RNF19B: variants seen among roughly 807,000 people sequenced by gnomAD.
RNF19B encodes E3 ubiquitin-protein ligase RNF19B.
RNF19B carries 23 observed loss-of-function variants against 65.5 expected under a neutral mutation model. The ratio of observed to expected loss-of-function variants is 0.35; its 90% CI spans 0.25 to 0.50. RNF19B has a LOEUF of 0.50. Among genes scored for constraint, RNF19B ranks in the 20% least tolerant of loss-of-function variants. The pLI, the probability that RNF19B is intolerant of heterozygous loss-of-function variation, is 0.98. For missense variants in RNF19B, 794 were observed against 980.0 expected, an observed-to-expected ratio of 0.81 and a Z score of 2.53; for synonymous variants, 372 against 379.6, an observed-to-expected ratio of 0.98 and a Z score of 0.23.
At chr1:32,940,104 G>A (rs917758988) in intron 7 of RNF19B, among the ~76,000 whole-genome samples, 15 of 152,218 alleles carry the variant, frequency 9.9e-5, no homozygotes, top group Admixed American at 3.3e-4. Context: ...CCAGGGAAAT[G>A]AGGGAATGCA....
At chr1:32,930,025 C>A in the RNF19B span, among the ~76,000 whole-genome samples, 1 of 152,202 alleles carries the variant, frequency 6.6e-6, no homozygotes, top group Non-Finnish European at 1.5e-5. Context: ...AAAGAAATAA[C>A]CTCTTGGCAA....
rs1403089432 is a variant in RNF19B at position 32,949,923 on chromosome 1, C to T, written c.636-149G>A. On this transcript the variant is annotated intron_variant, in intron 1 of 8. Transcript: ENST00000235150. ...ATACACATACACACATATACACACA[C>T]AAGCACATTTGACCAACTGTAAAAT... 4 of 629,468 alleles carry T rather than the reference C, an allele frequency of 6.4e-6. No individual in the cohort carries two copies. The Admixed American group carries it at 8.4e-5, about 13-fold the overall frequency. The allele number at this position is 629,468 out of a possible 1,614,324, so 39.0% of individuals were successfully genotyped here.
Position 32,936,939 on chromosome 1 carries a change from C to T in RNF19B, c.2063G>A (p.Arg688His), listed in dbSNP as rs199935869. The T allele has an allele frequency of 2.4e-5, 38 of 1,613,774 alleles. No homozygotes were observed. The highest frequency in any genetic ancestry group is 1.9e-4 in the African/African-American group (14 of 74,802). The change falls in exon 9 of 9, where the codon CGC becomes CAC. Residue 688 changes from arginine to histidine, a missense_variant. This residue lies in a region of RNF19B where 368 missense variants were observed against 447.3 expected (regional missense o/e 0.82). Coordinates refer to ENST00000235150, the MANE Select transcript of RNF19B (RefSeq NM_001300826.2). The part of the protein sequence containing the change: ...DITSDECGSP[R>H]SHTAACPSTP... The stretch of plus-strand genomic sequence containing the variant: ...CGAGGGGCAGGCTGCAGTATGGGAG[C>T]GGGGGGAGCCACACTCATCTGAGGT...
At chr1:32,941,141 T>C (rs1288799906) in intron 7 of RNF19B, among the ~76,000 whole-genome samples, 4 of 151,964 alleles carry the variant, frequency 2.6e-5, no homozygotes, top group African/African-American at 9.7e-5. Context: ...TAGGATTGCC[T>C]GAGTCCAGGA....
chr1:32,964,736 G>T lies in RNF19B; in HGVS notation c.-51C>A. 1 of 1,331,972 alleles carries T rather than the reference G, an allele frequency of 7.5e-7. No individual in the cohort carries two copies. The highest frequency in any genetic ancestry group is 1.7e-5 in the South Asian group (1 of 58,122). The allele number at this position is 1,331,972 out of a possible 1,614,324, so 82.5% of individuals were successfully genotyped here. The stretch of plus-strand genomic sequence containing the variant: ...GGCGCCCAGCGCCGCCACAGCTCCC[G>T]CCTCAGCGCCCCTCAGCCAGCGCCC... On this transcript the variant is annotated 5_prime_UTR_variant, in exon 1 of 9. Transcript: ENST00000235150. The surrounding 1 kb of genome is among the most constrained non-coding windows in gnomAD (Gnocchi z 6.5).
At chr1:32,949,232 T>A (rs899635836) in intron 2 of RNF19B, among the ~76,000 whole-genome samples, 1 of 152,216 alleles carries the variant, frequency 6.6e-6, no homozygotes, top group African/African-American at 2.4e-5. Flanking sequence ...GGTTTAATAC[T>A]AATTAAATGT....
intron 8 of RNF19B, among the ~76,000 whole-genome samples, chr1:32,938,140 C>CA (rs80176999): frequency 0.095 from 4,380 of 46,064 alleles, 192 homozygotes; most frequent in African/African-American, 0.19. Context: ...CCAAGAAAGA[C>CA]AAAAAAAAAA....
chr1:32,955,857 T>C (rs1642626593), intron 1 of RNF19B, among the ~76,000 whole-genome samples: 1 of 152,166 alleles, frequency 6.6e-6, no homozygotes, highest in Admixed American at 6.6e-5. Flanking sequence ...TCTCCTACTC[T>C]GCTCTTTTAG....
At chr1:32,938,910 T>TA (rs1438542311) in intron 7 of RNF19B, among the ~76,000 whole-genome samples, 11 of 152,322 alleles carry the variant, frequency 7.2e-5, no homozygotes, top group African/African-American at 2.4e-4. Flanking sequence ...CAACAGGCAT[T>TA]AAGGTCTTCC....
chr1:32,941,964 G>A (rs1557566625), intron 7 of RNF19B, among the ~76,000 whole-genome samples: 1 of 152,108 alleles, frequency 6.6e-6, no homozygotes, highest in Non-Finnish European at 1.5e-5. Context: ...GGGCGTGGTG[G>A]CGGGTGCCTG....
rs1263251114 is a variant in RNF19B at position 32,938,521 on chromosome 1, C to T, written c.1618G>A (p.Val540Ile). 1.2e-6 allele frequency: 2 copies of T among 1,614,012 alleles called. No homozygotes were observed. Among genetic ancestry groups the T allele is most frequent in the Non-Finnish European group, 1.7e-6 (2 of 1,180,006 alleles). Reference sequence around the variant, plus strand: ...ATTTCCTTTTGGACATCGGCTTGAACTTCTAACCTGTGTAAAGAGGGGACG... The same window carrying T: ...ATTTCCTTTTGGACATCGGCTTGAATTTCTAACCTGTGTAAAGAGGGGACG... ...SGKGKYSRLEVQADVQKEIFP... is the reference protein window; with the variant it reads ...SGKGKYSRLEIQADVQKEIFP... The change falls in exon 8 of 9, where the codon GTT becomes ATT. Residue 540 changes from valine (V) to isoleucine (I), a missense_variant. Val to Ile is a conservative substitution (Grantham distance 29, BLOSUM62 3). Transcript: ENST00000235150.
Position 32,944,130 on chromosome 1 carries a change from C to T in RNF19B, c.1291G>A (p.Val431Ile). ...GIGVPIMLAY[V>I]YGVVPISLCR... ...AGAGAAATGGGCACAACCCCATAAA[C>T]ATATGCCAGCATAATGGGGACACCA... The change falls in exon 6 of 9, where the codon GTT becomes ATT. Residue 431 changes from valine (V) to isoleucine (I), a missense_variant. By Grantham distance (29) the Val-to-Ile change is conservative. Coordinates refer to ENST00000235150, the MANE Select transcript of RNF19B (RefSeq NM_001300826.2). The T allele has an allele frequency of 6.2e-7, 1 of 1,613,606 alleles. No individual in the cohort carries two copies.
intron 1 of RNF19B, among the ~76,000 whole-genome samples, chr1:32,958,879 G>A (rs1266160888): frequency 6.6e-6 from 1 of 152,108 alleles, no homozygotes; most frequent in South Asian, 2.1e-4. Flanking sequence ...TTTAGTACAA[G>A]TACTTTGGCA....
At chr1:32,933,161 A>G (rs1012189684), downstream of RNF19B, among the ~76,000 whole-genome samples, 47 of 152,198 alleles carry the variant, frequency 3.1e-4, no homozygotes, top group African/African-American at 1.1e-3. Flanking sequence ...AGTCATTGCT[A>G]CATCTTATAC....
chr1:32,937,540 T>C (rs1291502755), intron 8 of RNF19B, among the ~76,000 whole-genome samples: 1 of 151,962 alleles, frequency 6.6e-6, no homozygotes, highest in African/African-American at 2.4e-5. Context: ...AGTCAGACCC[T>C]GTTTCTAAAA....
At position 32,937,184 on chromosome 1, in the gene RNF19B, G is replaced by A. The variant is rs747769624; in HGVS notation, c.1818C>T (p.Ser606=). 4 of 1,614,094 alleles carry A rather than the reference G, an allele frequency of 2.5e-6. No homozygotes were observed. The highest frequency in any genetic ancestry group is 1.7e-5 in the Admixed American group (1 of 60,012). The change falls in exon 9 of 9, where the codon AGC becomes AGT. Residue 606 remains serine, a synonymous_variant. Coordinates refer to ENST00000235150, the MANE Select transcript of RNF19B (RefSeq NM_001300826.2). The part of the protein sequence containing the change: ...PSHYQLVSGS[S]TEDSLHVHAQ... ...CATGAACATGGAGCGAGTCCTCCGTGCTGCTTCCACTCACCAGCTGATAGT... is the reference window on the plus strand; with the variant it reads ...CATGAACATGGAGCGAGTCCTCCGTACTGCTTCCACTCACCAGCTGATAGT...
rs140703919 is a variant in RNF19B at position 32,953,359 on chromosome 1, C to A, written c.636-3585G>T. 2.9e-3 allele frequency among the ~76,000 whole-genome samples: 448 copies of A among 152,082 alleles called. 8 individuals carry two copies. The highest frequency in any genetic ancestry group is 4.1e-3 in the Non-Finnish European group (277 of 67,960). ...TGTCCTCTATTCCAATACTCTCCCG[C>A]AATATTCAAAGACCTCAAATAACGT... On this transcript the variant is annotated intron_variant, in intron 1 of 8. Transcript: ENST00000235150.
chr1:32,947,039 C>T (rs910303828), intron 3 of RNF19B, among the ~76,000 whole-genome samples: 3 of 152,196 alleles, frequency 2.0e-5, no homozygotes, highest in African/African-American at 7.2e-5. Context: ...CTCATCATAA[C>T]CTTTCTATCA....
intron 7 of RNF19B, among the ~76,000 whole-genome samples, chr1:32,940,336 G>A (rs1024762511): frequency 3.9e-5 from 6 of 152,150 alleles, no homozygotes; most frequent in Admixed American, 2.6e-4. Context: ...TCTGGGATGG[G>A]TCCCTGAAGT....
Sources: gnomAD v4.1 joint callset for allele counts (sites outside exome capture counted in the v4.1 genomes callset) on GRCh38, gnomAD v4.1.1 for gene constraint, gnomAD v4.1.1 regional missense constraint, Gnocchi (gnomAD v3.1) non-coding constraint, MANE v1.5 for transcripts, NCBI Gene and HGNC (gene_info 2026-07-23, HGNC 2026-07-21) for gene names.